The following ATG7 variants were observed in gnomAD, a reference collection of about 807,000 sequenced individuals.
The protein encoded by ATG7 is ubiquitin-like modifier-activating enzyme ATG7.
Under a neutral mutation model 82.4 loss-of-function variants are expected in ATG7, and 70 were observed. That is an observed-to-expected ratio of 0.85 (90% CI 0.70 to 1.04). ATG7 has a LOEUF of 1.04. Ranked by LOEUF, ATG7 falls within the 50% of genes least tolerant of loss-of-function variation. The probability of loss-of-function intolerance (pLI) is 0.00; values close to 1 mark genes in which losing one functional copy is unlikely to be tolerated. For synonymous variants in ATG7, 287 were observed against 313.0 expected, an observed-to-expected ratio of 0.92 and a Z score of 0.88; for missense variants, 792 against 864.3, an observed-to-expected ratio of 0.92 and a Z score of 1.05.
rs563855171 is a variant in ATG7 at position 11,534,944 on chromosome 3, G to A, written c.2080-19867G>A. 1.5e-4 allele frequency among the ~76,000 whole-genome samples: 23 copies of A among 152,348 alleles called. No individual in the cohort carries two copies. In the South Asian group the frequency reaches 4.8e-3, roughly 32 times the overall value. On this transcript the variant is annotated intron_variant, in intron 20 of 20. Coordinates refer to ENST00000693202, the MANE Select transcript of ATG7 (RefSeq NM_001349232.2). ...TCTGCCTTTCCCTTTGTGACTTCCT[G>A]GCAGAAGCCTCCACTCCAGCTGCAA...
intron 5 of ATG7, chr3:11,304,736 G>A (rs1202827004): frequency 3.3e-5 from 5 of 152,180 alleles, no homozygotes; most frequent in South Asian, 2.1e-4. Flanking sequence ...CCAGTCTTCC[G>A]GCCTTTGTGA....
At chr3:11,404,276 C>A (rs1374856045) in intron 19 of ATG7, among the ~76,000 whole-genome samples, 1 of 151,806 alleles carries the variant, frequency 6.6e-6, no homozygotes, top group Non-Finnish European at 1.5e-5. Context: ...GCTGGGATTA[C>A]AGGTGCTCGC....
At chr3:11,513,001 G>A (rs191033956) in intron 20 of ATG7, among the ~76,000 whole-genome samples, 2 of 152,274 alleles carry the variant, frequency 1.3e-5, no homozygotes, top group Non-Finnish European at 2.9e-5. Flanking sequence ...CCCCACCAGA[G>A]TAGCTAGATA....
At chr3:11,458,303 GC>G (rs1416707082) in intron 20 of ATG7, among the ~76,000 whole-genome samples, 4 of 151,984 alleles carry the variant, frequency 2.6e-5, no homozygotes, top group African/African-American at 7.3e-5. Context: ...TTGCTGTGTT[GC>G]CCAGGATGGA....
chr3:11,491,108 G>A (rs956049991), intron 20 of ATG7, among the ~76,000 whole-genome samples: 1 of 152,196 alleles, frequency 6.6e-6, no homozygotes, highest in African/African-American at 2.4e-5. Context: ...TTCAGGTACA[G>A]CAATCAAACG....
chr3:11,384,434 G>T (rs542728899), intron 19 of ATG7, among the ~76,000 whole-genome samples: 3 of 152,142 alleles, frequency 2.0e-5, no homozygotes, highest in South Asian at 2.1e-4. Flanking sequence ...TATGCAATAG[G>T]TTCTTCTGTT....
In ATG7 at chr3:11,557,249, G is replaced by A. The variant is rs1041067455; in HGVS notation, c.*2406G>A. The A allele has an allele frequency of 6.5e-6, 1 of 152,810 alleles. No homozygotes were observed. The highest frequency in any genetic ancestry group is 1.5e-5 in the Non-Finnish European group (1 of 68,044). The allele number at this position is 152,810 out of a possible 1,614,324, so 9.5% of individuals were successfully genotyped here. ...GCTATTAATATAGCAAATAATAAAT[G>A]CAGTAATAACAGTATAAAGTCAGAG... is the stretch of plus-strand genomic sequence containing the variant. On this transcript the variant is annotated 3_prime_UTR_variant, in exon 21 of 21. Coordinates refer to ENST00000693202, the MANE Select transcript of ATG7 (RefSeq NM_001349232.2).
intron 5 of ATG7, chr3:11,304,538 T>A (rs1947398849): frequency 6.6e-6 from 1 of 152,226 alleles, no homozygotes; most frequent in African/African-American, 2.4e-5. Context: ...GTGTGCGAAG[T>A]AGATTCCTCC....
At chr3:11,349,517 G>A (rs1030354742) in intron 14 of ATG7, among the ~76,000 whole-genome samples, 2 of 151,956 alleles carry the variant, frequency 1.3e-5, no homozygotes, top group African/African-American at 4.8e-5. Context: ...CTCAAGCCTC[G>A]GTGACAAGGC....
intron 19 of ATG7, among the ~76,000 whole-genome samples, chr3:11,394,269 A>G (rs2079039903): frequency 6.6e-6 from 1 of 152,214 alleles, no homozygotes; most frequent in Admixed American, 6.5e-5. Flanking sequence ...CTAAGGATAT[A>G]TTATATAACA....
chr3:11,564,244 A>G, the ATG7 span, among the ~76,000 whole-genome samples: 1 of 151,976 alleles, frequency 6.6e-6, no homozygotes, highest in Admixed American at 6.5e-5. Context: ...TTAATTTCCT[A>G]TTTTCCTTTC....
At chr3:11,441,776 C>T (rs2083999468) in intron 20 of ATG7, among the ~76,000 whole-genome samples, 1 of 151,172 alleles carries the variant, frequency 6.6e-6, no homozygotes, top group South Asian at 2.1e-4. Context: ...AAGCAATTCT[C>T]CTGCCTCAGC....
At chr3:11,513,540 C>T (rs984288186) in intron 20 of ATG7, among the ~76,000 whole-genome samples, 23 of 152,218 alleles carry the variant, frequency 1.5e-4, no homozygotes, top group African/African-American at 2.7e-4. Context: ...GCTCCCAGTG[C>T]GGGGCCTGCC....
chr3:11,532,547 G>A (rs1300597075), intron 20 of ATG7, among the ~76,000 whole-genome samples: 8 of 152,080 alleles, frequency 5.3e-5, no homozygotes, highest in African/African-American at 1.7e-4. Context: ...ACATGGCAAC[G>A]TCCTGTCCGT....
chr3:11,572,972 G>A, the ATG7 span, among the ~76,000 whole-genome samples: 6 of 151,828 alleles, frequency 4.0e-5, no homozygotes, highest in African/African-American at 1.2e-4. Flanking sequence ...GTTTGAGACC[G>A]GCCTGACCAA....
Position 11,360,701 on chromosome 3 carries a change from C to A in ATG7, c.1600C>A (p.Leu534Ile). The A allele has an allele frequency of 6.2e-7, 1 of 1,614,162 alleles. No individual in the cohort carries two copies. Among genetic ancestry groups the A allele is most frequent in the Non-Finnish European group, 8.5e-7 (1 of 1,180,028 alleles). The change falls in exon 16 of 21, where the codon CTC (leucine) becomes ATC (isoleucine). Residue 534 changes from leucine to isoleucine, a missense_variant. Coordinates refer to ENST00000693202, the MANE Select transcript of ATG7 (RefSeq NM_001349232.2). ...AAACCACCCTGTGGCATCTGCTGAC[C>A]TCCTGGGCTCATCGCTTTTTGCCAA... ...CPNHPVASAD[L>I]LGSSLFANIP...
intron 1 of ATG7, among the ~76,000 whole-genome samples, chr3:11,275,010 A>G (rs1424499579): frequency 6.6e-6 from 1 of 151,894 alleles, no homozygotes; most frequent in Non-Finnish European, 1.5e-5. Context: ...CCAGTTGGGT[A>G]TAGTTGCAGT....
chr3:11,422,740 CTTTTTTTTTTTTTTTT>C (rs557755646), intron 19 of ATG7, among the ~76,000 whole-genome samples: 1 of 49,546 alleles, frequency 2.0e-5, no homozygotes, highest in East Asian at 7.2e-4. Context: ...TCATTTCTAG[CTTTTTTTTTTTTTTTT>C]TTTTTTTTTT....
At chr3:11,429,285 C>G (rs2082644605) in intron 20 of ATG7, among the ~76,000 whole-genome samples, 1 of 152,038 alleles carries the variant, frequency 6.6e-6, no homozygotes, top group Non-Finnish European at 1.5e-5. Flanking sequence ...CACCTGAGGT[C>G]AGGAGTTTGA....
Sources: gnomAD v4.1 joint callset for allele counts (sites outside exome capture counted in the v4.1 genomes callset) on GRCh38, gnomAD v4.1.1 for gene constraint, MANE v1.5 for transcripts, NCBI Gene and HGNC (gene_info 2026-07-23, HGNC 2026-07-21) for gene names.